RNF130: variants seen among roughly 807,000 people sequenced by gnomAD.
RNF130 encodes the protein E3 ubiquitin-protein ligase RNF130.
Under a neutral mutation model 44.6 loss-of-function variants are expected in RNF130, and 21 were observed. The observed-to-expected ratio is 0.47, with a 90% CI of 0.33 to 0.68. The LOEUF is 0.68. Ranked by LOEUF, RNF130 falls within the 30% of genes least tolerant of loss-of-function variation. The probability of loss-of-function intolerance (pLI) is 0.02; values close to 1 mark genes in which losing one functional copy is unlikely to be tolerated. For synonymous variants in RNF130, 214 were observed against 210.4 expected (o/e 1.02, Z -0.15); for missense variants, 479 against 560.6 (o/e 0.85, Z 1.47).
intron 1 of RNF130, among the ~76,000 whole-genome samples, chr5:180,047,075 T>G (rs1764583634): frequency 6.6e-6 from 1 of 152,128 alleles, no homozygotes; most frequent in Non-Finnish European, 1.5e-5. Context: ...ACAAAAGAGG[T>G]AAAAATAAAA....
chr5:180,021,737 C>A (rs184186300), intron 2 of RNF130, among the ~76,000 whole-genome samples: 56 of 152,244 alleles, frequency 3.7e-4, no homozygotes, highest in African/African-American at 1.3e-3. Context: ...TGCCTCATCA[C>A]CCCCGAATAT....
At chr5:179,931,117 T>C (rs1761801629) in intron 7 of RNF130, among the ~76,000 whole-genome samples, 1 of 151,294 alleles carries the variant, frequency 6.6e-6, no homozygotes, top group African/African-American at 2.4e-5. Flanking sequence ...GATAAAAACA[T>C]GGTGACCGCA....
chr5:179,933,398 T>TTGTGTATGTGTG (rs1554100043), intron 7 of RNF130, among the ~76,000 whole-genome samples: 17 of 143,400 alleles, frequency 1.2e-4, no homozygotes, highest in African/African-American at 4.2e-4. Flanking sequence ...ATAACCCTAT[T>TTGTGTATGTGTG]TGTGTGTGTG....
chr5:179,993,539 T>C (rs1455312135), intron 3 of RNF130, among the ~76,000 whole-genome samples: 3 of 152,260 alleles, frequency 2.0e-5, no homozygotes, highest in Non-Finnish European at 4.4e-5. Flanking sequence ...GAAGTGTCTG[T>C]CTGTATCCTT....
intron 5 of RNF130, among the ~76,000 whole-genome samples, chr5:179,975,977 A>C (rs550360083): frequency 8.1e-6 from 1 of 123,380 alleles, no homozygotes; most frequent in Non-Finnish European, 1.7e-5. Flanking sequence ...GATGCTTCTG[A>C]AAGCCTCCCA....
At chr5:179,984,648 T>C (rs939948774) in intron 3 of RNF130, among the ~76,000 whole-genome samples, 2 of 152,140 alleles carry the variant, frequency 1.3e-5, no homozygotes, top group Non-Finnish European at 2.9e-5. Flanking sequence ...TTTGCTAAAT[T>C]TTTTAGAATT....
intron 7 of RNF130, among the ~76,000 whole-genome samples, chr5:179,925,993 A>G (rs1354212787): frequency 6.6e-6 from 1 of 152,208 alleles, no homozygotes; most frequent in Non-Finnish European, 1.5e-5. Context: ...GAGGCGAGGC[A>G]GGGAAGCAGC....
rs377497317 is a variant in RNF130, at chr5:179,972,636, C to T, written c.849-2130G>A. Reference sequence around the variant, plus strand: ...GGCTTGCTGAACTGTTGGTGGGGACCTGGTAAAGCCGCAGCACCACCTGGG... The same window carrying T: ...GGCTTGCTGAACTGTTGGTGGGGACTTGGTAAAGCCGCAGCACCACCTGGG... On this transcript the variant is annotated intron_variant, in intron 5 of 8. Transcript: ENST00000521389. Among the ~76,000 whole-genome samples the T allele has an allele frequency of 2.6e-5, 4 of 151,734 alleles. No individual in the cohort carries two copies. In the East Asian group the frequency reaches 5.8e-4, roughly 22 times the overall value.
At chr5:180,051,148 TCTC>T (rs1764677613) in intron 1 of RNF130, among the ~76,000 whole-genome samples, 1 of 152,116 alleles carries the variant, frequency 6.6e-6, no homozygotes, top group African/African-American at 2.4e-5. Flanking sequence ...TTCTTGTTTT[TCTC>T]CTAATTGACA....
chr5:179,939,105 T>C (rs956349180), intron 7 of RNF130, among the ~76,000 whole-genome samples: 2 of 152,132 alleles, frequency 1.3e-5, no homozygotes, highest in Admixed American at 6.6e-5. Context: ...TAGTCCCAGC[T>C]GCTTGGGGGG....
chr5:179,997,358 C>T (rs1763225434), intron 3 of RNF130, among the ~76,000 whole-genome samples: 1 of 152,100 alleles, frequency 6.6e-6, no homozygotes, highest in African/African-American at 2.4e-5. Flanking sequence ...GAGTCTCGCT[C>T]TGTCACCCAG....
At chr5:179,945,914 C>A (rs1415627727) in intron 7 of RNF130, among the ~76,000 whole-genome samples, 1 of 12,678 alleles carries the variant, frequency 7.9e-5, no homozygotes, top group Admixed American at 4.8e-4. Context: ...GGGAAAAAGG[C>A]GGGGGCAGGG....
intron 5 of RNF130, among the ~76,000 whole-genome samples, chr5:179,973,590 G>A (rs951359665): frequency 6.6e-5 from 10 of 152,184 alleles, no homozygotes; most frequent in South Asian, 2.1e-4. Flanking sequence ...GCCATCACAC[G>A]GGCAGAGCGG....
chr5:179,970,377 C>G, intron 6 of RNF130, 33 bp downstream of exon 6: 1 of 1,498,884 alleles, frequency 6.7e-7, no homozygotes, highest in Non-Finnish European at 9.2e-7. Context: ...TAATAATATA[C>G]AAAAGTGGTA....
chr5:180,048,160 G>A (rs1207960239), intron 1 of RNF130, among the ~76,000 whole-genome samples: 5 of 152,262 alleles, frequency 3.3e-5, no homozygotes, highest in East Asian at 3.9e-4. Flanking sequence ...AGAGGAAAGT[G>A]GAAAATTACA....
exon 8 of RNF130, chr5:179,914,223 A>T (rs760371834): frequency 6.6e-6 from 1 of 152,250 alleles, no homozygotes; most frequent in Non-Finnish European, 1.5e-5. Context: ...CAGACCTGGG[A>T]GGGGAAGGTG....
At chr5:179,986,829 T>C (rs1369289401) in intron 3 of RNF130, among the ~76,000 whole-genome samples, 2 of 152,238 alleles carry the variant, frequency 1.3e-5, no homozygotes, top group Non-Finnish European at 2.9e-5. Context: ...TCTCCATTTT[T>C]CTGTGATCTC....
At chr5:179,939,822 A>C (rs750504181) in intron 7 of RNF130, 1 of 376,000 alleles carries the variant, frequency 2.7e-6, no homozygotes, top group Non-Finnish European at 5.1e-6. Flanking sequence ...GTTGAATGAA[A>C]ATGGGTCCCT....
intron 3 of RNF130, 90 bp from the exon 4 acceptor site, chr5:179,980,290 T>A: frequency 8.6e-7 from 1 of 1,164,328 alleles, no homozygotes; most frequent in Non-Finnish European, 1.3e-6. Flanking sequence ...ATAAAGTCTC[T>A]ATTTTACTAC....
Sources: gnomAD v4.1 joint callset for allele counts (sites outside exome capture counted in the v4.1 genomes callset) on GRCh38, gnomAD v4.1.1 for gene constraint, MANE v1.5 for transcripts, NCBI Gene and HGNC (gene_info 2026-07-23, HGNC 2026-07-21) for gene names.